ARHGAP20: variants seen among roughly 807,000 people sequenced by gnomAD.
ARHGAP20 encodes the protein rho GTPase-activating protein 20.
In ARHGAP20, 34 loss-of-function variants were observed where a neutral mutation model predicts 73.7. The ratio of observed to expected loss-of-function variants is 0.46; its 90% CI spans 0.35 to 0.61. ARHGAP20 has a LOEUF of 0.61. ARHGAP20 is among the 20% of genes least tolerant of loss of function. The pLI, the probability that ARHGAP20 is intolerant of heterozygous loss-of-function variation, is 0.00. For missense variants in ARHGAP20, 1,314 were observed against 1,420.9 expected (o/e 0.92, Z 1.21); for synonymous variants, 523 against 518.2 (o/e 1.01, Z -0.13).
intron 1 of ARHGAP20, among the ~76,000 whole-genome samples, chr11:110,699,339 T>C (rs111626530): frequency 7.6e-4 from 115 of 152,088 alleles, no homozygotes; most frequent in African/African-American, 2.6e-3. Flanking sequence ...TGGTCGATAA[T>C]GGAGAATGCT....
In ARHGAP20 at chr11:110,578,695, A is replaced by AAAAC; in HGVS notation, c.*671_*674dup. The stretch of plus-strand genomic sequence containing the variant: ...TGCAAAGCACTTCAACATGAATGAA[A>AAAAC]AAACAAACCGACAAATACAACCAAC... On this transcript the variant is annotated 3_prime_UTR_variant, in exon 15 of 15. Coordinates refer to ENST00000683387, the MANE Select transcript of ARHGAP20 (RefSeq NM_001384657.1). 1.0e-6 allele frequency: 1 copy of AAAAC among 985,442 alleles called. No individual in the cohort carries two copies. The highest frequency in any genetic ancestry group is 1.2e-6 in the Non-Finnish European group (1 of 829,936). The allele number at this position is 985,442 out of a possible 1,614,324, so 61.0% of individuals were successfully genotyped here.
chr11:110,608,339 A>G (rs1223824186), intron 8 of ARHGAP20, among the ~76,000 whole-genome samples: 2 of 152,170 alleles, frequency 1.3e-5, no homozygotes, highest in East Asian at 3.8e-4. Flanking sequence ...TAATCAAGAA[A>G]TATTTTTTAG....
At chr11:110,638,378 T>C (rs1949012602) in intron 2 of ARHGAP20, among the ~76,000 whole-genome samples, 1 of 152,010 alleles carries the variant, frequency 6.6e-6, no homozygotes. Flanking sequence ...AAAATACTTC[T>C]GGTCCCTAGC....
intron 2 of ARHGAP20, among the ~76,000 whole-genome samples, chr11:110,657,406 A>C (rs1193073690): frequency 2.0e-5 from 3 of 152,168 alleles, no homozygotes; most frequent in Non-Finnish European, 4.4e-5. Context: ...TGAAGGAGAT[A>C]TAGTTTACAT....
intron 2 of ARHGAP20, among the ~76,000 whole-genome samples, chr11:110,678,679 T>C (rs1330950101): frequency 6.6e-6 from 1 of 152,220 alleles, no homozygotes; most frequent in Non-Finnish European, 1.5e-5. Context: ...TTATCTTTTC[T>C]GAGACAGGGT....
chr11:110,622,795 G>T (rs1054011713), intron 4 of ARHGAP20, among the ~76,000 whole-genome samples: 1 of 152,070 alleles, frequency 6.6e-6, no homozygotes, highest in South Asian at 2.1e-4. Flanking sequence ...AAGGTTAATT[G>T]TTCTTCTTAT....
At chr11:110,607,486 C>A (rs1395522979) in intron 8 of ARHGAP20, among the ~76,000 whole-genome samples, 2 of 152,160 alleles carry the variant, frequency 1.3e-5, no homozygotes, top group Non-Finnish European at 2.9e-5. Flanking sequence ...GTAATTACGT[C>A]CTTTTAGTGT....
intron 2 of ARHGAP20, among the ~76,000 whole-genome samples, chr11:110,659,342 G>C: frequency 6.9e-6 from 1 of 144,900 alleles, no homozygotes; most frequent in African/African-American, 2.6e-5. Context: ...GTGTTTTTTG[G>C]CTGCATAAAT....
intron 2 of ARHGAP20, among the ~76,000 whole-genome samples, chr11:110,673,855 G>A (rs980359765): frequency 6.6e-6 from 1 of 151,962 alleles, no homozygotes; most frequent in African/African-American, 2.4e-5. Flanking sequence ...AGTCTAATAT[G>A]ATGGCTAAGG....
At chr11:110,661,078 A>C (rs1949600380) in intron 2 of ARHGAP20, among the ~76,000 whole-genome samples, 1 of 152,210 alleles carries the variant, frequency 6.6e-6, no homozygotes, top group Non-Finnish European at 1.5e-5. Context: ...TTTCACTTAA[A>C]AGTTATTCCA....
intron 2 of ARHGAP20, among the ~76,000 whole-genome samples, chr11:110,674,420 T>C (rs966131817): frequency 2.6e-5 from 4 of 152,002 alleles, no homozygotes; most frequent in East Asian, 1.9e-4. Flanking sequence ...TGCTCCAAAA[T>C]TGGAAACAAT....
chr11:110,686,417 C>A (rs931318104), intron 2 of ARHGAP20, among the ~76,000 whole-genome samples: 2 of 152,010 alleles, frequency 1.3e-5, no homozygotes, highest in African/African-American at 4.8e-5. Context: ...AAAGGAAATA[C>A]AAATGATTAA....
At chr11:110,709,002 G>A (rs924095966) in intron 1 of ARHGAP20, among the ~76,000 whole-genome samples, 13 of 152,112 alleles carry the variant, frequency 8.5e-5, no homozygotes, top group African/African-American at 2.4e-4. Context: ...AGATAAAGGC[G>A]TTCCATCATT....
intron 1 of ARHGAP20, among the ~76,000 whole-genome samples, chr11:110,707,452 T>C (rs1478973068): frequency 6.6e-6 from 1 of 152,166 alleles, no homozygotes; most frequent in Non-Finnish European, 1.5e-5. Context: ...ATTTATTGTA[T>C]ATTCTTTGGA....
chr11:110,626,346 T>C (rs1318135376), intron 3 of ARHGAP20, among the ~76,000 whole-genome samples: 1 of 152,164 alleles, frequency 6.6e-6, no homozygotes, highest in Non-Finnish European at 1.5e-5. Flanking sequence ...GGTGCTACAT[T>C]ATCCACCCCG....
chr11:110,693,950 C>T (rs1040111186), intron 1 of ARHGAP20, among the ~76,000 whole-genome samples: 1 of 151,724 alleles, frequency 6.6e-6, no homozygotes, highest in East Asian at 1.9e-4. Flanking sequence ...ATGTTTATAA[C>T]TAGATGACTT....
At chr11:110,584,200 C>G (rs774469512) in intron 12 of ARHGAP20, among the ~76,000 whole-genome samples, 9 of 152,172 alleles carry the variant, frequency 5.9e-5, no homozygotes, top group Admixed American at 4.6e-4. Flanking sequence ...GCTATCAAGA[C>G]GTCCAGGTCC....
In ARHGAP20 at chr11:110,660,578, G is replaced by T. The variant is rs538207229; in HGVS notation, c.189-29786C>A. On this transcript the variant is annotated intron_variant, in intron 2 of 14. Transcript: ENST00000683387. ...CAGAGCCAATTTTTCCAAGCCCATC[G>T]ACAGATCTACCCTGCCTCCTATACC... 3.3e-5 allele frequency among the ~76,000 whole-genome samples: 5 copies of T among 151,724 alleles called. No homozygotes were observed. In the East Asian group the frequency reaches 9.7e-4, roughly 30 times the overall value.
intron 2 of ARHGAP20, among the ~76,000 whole-genome samples, chr11:110,642,352 T>A (rs1292328917): frequency 6.6e-6 from 1 of 152,058 alleles, no homozygotes; most frequent in African/African-American, 2.4e-5. Context: ...GAGTGGGCAT[T>A]CTTGTCTTGT....
Sources: gnomAD v4.1 joint callset for allele counts (sites outside exome capture counted in the v4.1 genomes callset) on GRCh38, gnomAD v4.1.1 for gene constraint, MANE v1.5 for transcripts, NCBI Gene and HGNC (gene_info 2026-07-23, HGNC 2026-07-21) for gene names.